NALCN: variants seen among roughly 807,000 people sequenced by gnomAD.
The protein encoded by NALCN is sodium leak channel, non-selective.
NALCN carries 111 observed loss-of-function variants against 225.3 expected under a neutral mutation model. That is an observed-to-expected ratio of 0.49 (90% CI 0.42 to 0.58). The LOEUF (loss-of-function observed/expected upper bound fraction) is 0.58, where lower values mean the gene tolerates loss of function less well. Ranked by LOEUF, NALCN falls within the 20% of genes least tolerant of loss-of-function variation. The probability of loss-of-function intolerance (pLI) is 0.00; values close to 1 mark genes in which losing one functional copy is unlikely to be tolerated. For missense variants in NALCN, 1,378 were observed against 2,202.4 expected, an observed-to-expected ratio of 0.63 and a Z score of 7.49; for synonymous variants, 764 against 769.0, an observed-to-expected ratio of 0.99 and a Z score of 0.11.
At position 101,399,168 on chromosome 13, in the gene NALCN, G is replaced by T. The variant is rs1439722297; in HGVS notation, c.-39-3C>A. On this transcript the variant is annotated splice_region_variant and splice_polypyrimidine_tract_variant and intron_variant, in intron 1 of 43. Transcript: ENST00000251127. ...GTGAGCAAGCACAAAACCACAGTCT[G>T]GGAAAAGGAAAAGTTGTATTTGTCA... 1.9e-6 allele frequency: 3 copies of T among 1,608,148 alleles called. No homozygotes were observed. The highest frequency in any genetic ancestry group is 1.3e-5 in the African/African-American group (1 of 74,696).
At chr13:101,078,864 T>G (rs1275411212) in intron 34 of NALCN, among the ~76,000 whole-genome samples, 2 of 152,208 alleles carry the variant, frequency 1.3e-5, no homozygotes, top group Non-Finnish European at 2.9e-5. Context: ...TGAATTGTAG[T>G]TCCCATTATC....
intron 22 of NALCN, among the ~76,000 whole-genome samples, chr13:101,105,644 G>A (rs1019767323): frequency 6.7e-6 from 1 of 149,958 alleles, no homozygotes; most frequent in Non-Finnish European, 1.5e-5. Flanking sequence ...TAAAAAAAAC[G>A]TACTTCAAGA....
chr13:101,374,272 CTTTTTTTTTTT>C (rs869167949), intron 6 of NALCN, among the ~76,000 whole-genome samples: 3 of 119,904 alleles, frequency 2.5e-5, no homozygotes, highest in East Asian at 4.7e-4. Context: ...AAATTTCTTT[CTTTTTTTTTTT>C]TTTTTTTTTT....
intron 7 of NALCN, among the ~76,000 whole-genome samples, chr13:101,328,374 T>C (rs960834396): frequency 2.0e-5 from 3 of 152,078 alleles, no homozygotes; most frequent in African/African-American, 4.8e-5. Context: ...TGCGGTGGCG[T>C]GATCTCGGCT....
intron 17 of NALCN, among the ~76,000 whole-genome samples, chr13:101,128,476 A>G (rs985036205): frequency 1.3e-5 from 2 of 152,212 alleles, no homozygotes. Context: ...GATGTCTTCT[A>G]ATTAATCTAC....
intron 7 of NALCN, among the ~76,000 whole-genome samples, chr13:101,303,719 A>C (rs1250870931): frequency 1.3e-5 from 2 of 152,178 alleles, no homozygotes; most frequent in Non-Finnish European, 1.5e-5. Context: ...TGCCTGGAAT[A>C]AAATGTCTTT....
rs371472461 is a variant in NALCN at position 101,395,303 on chromosome 13, C to T, written c.171G>A (p.Thr57=). The T allele has an allele frequency of 4.7e-5, 76 of 1,613,938 alleles. No homozygotes were observed. The highest frequency in any genetic ancestry group is 1.1e-4 in the East Asian group (5 of 44,864). Residue 57 remains threonine, a synonymous_variant, in exon 3 of 44, where the codon ACG becomes ACA. Coordinates refer to ENST00000251127, the MANE Select transcript of NALCN (RefSeq NM_052867.4). ...GAGGATAGTGCTCGAAGGTCATTGG[C>T]GTATTCATACAAACAGAAATGACGC... ...IISVISVCMN[T]PMTFEHYPPL... is the part of the protein sequence containing the mutation.
intron 43 of NALCN, 29 bp downstream of exon 43, chr13:101,057,910 T>C (rs757224255): frequency 6.2e-5 from 96 of 1,552,560 alleles, no homozygotes; most frequent in Non-Finnish European, 8.3e-5. Flanking sequence ...AATGCCTCGA[T>C]CGCTGGAGAA....
rs745755128 is a variant in NALCN at position 101,057,911 on chromosome 13, C to G, written c.5023+28G>C. ...GTAAATACCTTTAAAATGCCTCGAT[C>G]GCTGGAGAAATGCCTGGATGGACCT... is the stretch of plus-strand genomic sequence containing the variant. On this transcript the variant is annotated intron_variant, in intron 43 of 43. Transcript: ENST00000251127. The G allele has an allele frequency of 9.6e-6, 15 of 1,555,616 alleles. No individual in the cohort carries two copies. The African/African-American group carries it at 1.5e-4, about 15-fold the overall frequency.
At chr13:101,416,287 C>T (rs2047945968) in intron 1 of NALCN, 26 bp downstream of exon 1, 2 of 152,086 alleles carry the variant, frequency 1.3e-5, no homozygotes, top group South Asian at 4.1e-4. Flanking sequence ...GCCGCAGCCT[C>T]CCGGGCACCG....
At chr13:101,339,310 G>A (rs977047195) in intron 7 of NALCN, among the ~76,000 whole-genome samples, 2 of 152,090 alleles carry the variant, frequency 1.3e-5, no homozygotes, top group South Asian at 2.1e-4. Context: ...TAAATTTTGC[G>A]ATTTTGCAAG....
intron 10 of NALCN, 122 bp from the exon 11 acceptor site, chr13:101,258,696 A>G (rs1209332347): frequency 7.4e-7 from 1 of 1,356,294 alleles, no homozygotes; most frequent in Non-Finnish European, 1.0e-6. Context: ...AGGGCTTCCA[A>G]GATAAAGCCA....
chr13:101,172,246 G>A (rs1320816725), intron 15 of NALCN, among the ~76,000 whole-genome samples: 1 of 151,946 alleles, frequency 6.6e-6, no homozygotes, highest in African/African-American at 2.4e-5. Context: ...CCTGCCCTCA[G>A]GGAGCTTCTG....
intron 15 of NALCN, among the ~76,000 whole-genome samples, chr13:101,161,082 T>C (rs1176897649): frequency 6.6e-6 from 1 of 152,256 alleles, no homozygotes; most frequent in Non-Finnish European, 1.5e-5. Context: ...CTTCCAGTAT[T>C]ATGAAAACAT....
intron 43 of NALCN, among the ~76,000 whole-genome samples, chr13:101,055,721 A>G (rs952808967): frequency 6.6e-6 from 1 of 151,982 alleles, no homozygotes. Flanking sequence ...CGTGCTGCTC[A>G]CCCCTTTCAT....
chr13:101,183,596 AT>A (rs1163710659), intron 14 of NALCN, among the ~76,000 whole-genome samples: 12 of 151,844 alleles, frequency 7.9e-5, no homozygotes, highest in African/African-American at 2.9e-4. Context: ...AGTAGCTGGG[AT>A]TTTAGGTGCC....
intron 7 of NALCN, among the ~76,000 whole-genome samples, chr13:101,308,620 A>G (rs1255245213): frequency 1.3e-5 from 2 of 152,228 alleles, no homozygotes; most frequent in Non-Finnish European, 2.9e-5. Context: ...ACATAGACTG[A>G]GACTCAAAGT....
chr13:101,362,483 C>T (rs910123299), intron 6 of NALCN, among the ~76,000 whole-genome samples: 1 of 151,938 alleles, frequency 6.6e-6, no homozygotes, highest in African/African-American at 2.4e-5. Flanking sequence ...AAACCAGGAA[C>T]AAAAACCATG....
At chr13:101,189,866 G>T (rs2039611724) in intron 14 of NALCN, among the ~76,000 whole-genome samples, 1 of 152,218 alleles carries the variant, frequency 6.6e-6, no homozygotes, top group South Asian at 2.1e-4. Flanking sequence ...TAGAATTAGA[G>T]ATTGGTTTTC....
Sources: allele counts gnomAD v4.1 joint callset (sites outside exome capture counted in the v4.1 genomes callset), GRCh38; gene constraint gnomAD v4.1.1; transcripts MANE v1.5; gene names NCBI Gene and HGNC (gene_info 2026-07-23, HGNC 2026-07-21).